ZNF385D: variants seen among roughly 807,000 people sequenced by gnomAD.
ZNF385D encodes zinc finger protein 385D, also known as zinc finger protein 659.
ZNF385D carries 15 observed loss-of-function variants against 35.8 expected under a neutral mutation model. That is an observed-to-expected ratio of 0.42 (90% CI 0.28 to 0.64). ZNF385D has a LOEUF of 0.64. Among genes scored for constraint, ZNF385D ranks in the 30% least tolerant of loss-of-function variants. The pLI is 0.23. For synonymous variants in ZNF385D, 212 were observed against 186.8 expected, an observed-to-expected ratio of 1.13 and a Z score of -1.10; for missense variants, 474 against 494.6, an observed-to-expected ratio of 0.96 and a Z score of 0.39.
rs187847314 is a variant in ZNF385D, at chr3:21,719,550, C to T, written c.22+31345G>A. On this transcript the variant is annotated intron_variant, in intron 1 of 7. Coordinates refer to ENST00000281523, the MANE Select transcript of ZNF385D (RefSeq NM_024697.3). ...TTTGCTCATTTTAATAGTAAAAAAA[C>T]ACACCCCTGGGTAGAGATTTAAGAT... 8.1e-4 allele frequency among the ~76,000 whole-genome samples: 124 copies of T among 152,306 alleles called. 2 individuals carry two copies. The highest frequency in any genetic ancestry group is 6.8e-3 in the Middle Eastern group (2 of 294).
chr3:21,565,915 T>TTAA (rs1378351572), intron 2 of ZNF385D, among the ~76,000 whole-genome samples: 1 of 152,206 alleles, frequency 6.6e-6, no homozygotes, highest in Non-Finnish European at 1.5e-5. Flanking sequence ...TTATAGTTCA[T>TTAA]TAATTCCCCT....
At position 21,702,966 on chromosome 3, in the gene ZNF385D, A is replaced by G. The variant is rs537729425; in HGVS notation, c.23-37938T>C. 9.9e-5 allele frequency among the ~76,000 whole-genome samples: 15 copies of G among 152,202 alleles called. No individual in the cohort carries two copies. The South Asian group carries it at 2.9e-3, about 29-fold the overall frequency. ...AAGTTCCAAACTTTCCTACTTTTCT[A>G]TATTCTTCTGAGCCCTCTAAACTGT... On this transcript the variant is annotated intron_variant, in intron 1 of 7. Transcript: ENST00000281523.
Position 21,905,747 on chromosome 3 carries a change from C to T in ZNF385D, c.326-240719G>A, listed in dbSNP as rs548399835. Among the ~76,000 whole-genome samples, 5 of 151,594 alleles carry T rather than the reference C, an allele frequency of 3.3e-5. No homozygotes were observed. The South Asian group carries it at 1.0e-3, about 31-fold the overall frequency. On this transcript the variant is annotated intron_variant, in intron 3 of 5. Coordinates refer to the ZNF385D transcript ENST00000494108. ...ACACTTTTTACTATTGATTAAATGT[C>T]TCAAACAAAATAAAGTTACTTGCTA...
chr3:21,776,070 A>G (rs1291117485), intron 3 of ZNF385D, among the ~76,000 whole-genome samples: 2 of 151,114 alleles, frequency 1.3e-5, no homozygotes, highest in African/African-American at 4.8e-5. Context: ...ATATTATACA[A>G]TCAAAATCTT....
At chr3:21,521,970 T>C (rs1203925489) in intron 3 of ZNF385D, among the ~76,000 whole-genome samples, 1 of 152,100 alleles carries the variant, frequency 6.6e-6, no homozygotes, top group African/African-American at 2.4e-5. Flanking sequence ...TCGAAGTATC[T>C]ATGGCTTCTT....
intron 3 of ZNF385D, among the ~76,000 whole-genome samples, chr3:21,887,960 A>T (rs1181220843): frequency 6.6e-6 from 1 of 152,130 alleles, no homozygotes; most frequent in Non-Finnish European, 1.5e-5. Flanking sequence ...TTGTAAAATA[A>T]CCTAACTACT....
chr3:22,297,607 T>C (rs888415365), intron 2 of ZNF385D, among the ~76,000 whole-genome samples: 46 of 152,058 alleles, frequency 3.0e-4, no homozygotes, highest in African/African-American at 1.1e-3. Flanking sequence ...AATGAAATAG[T>C]TGTCTAGAGG....
At chr3:22,282,717 T>A (rs1701827671) in intron 2 of ZNF385D, among the ~76,000 whole-genome samples, 1 of 151,846 alleles carries the variant, frequency 6.6e-6, no homozygotes. Flanking sequence ...CCTCAAAATA[T>A]ACCAAAATAA....
intron 2 of ZNF385D, among the ~76,000 whole-genome samples, chr3:22,310,780 G>A (rs867382309): frequency 6.6e-6 from 1 of 151,544 alleles, no homozygotes; most frequent in Admixed American, 6.6e-5. Flanking sequence ...GATAAGCTTC[G>A]ACAGCTTTAT....
chr3:22,011,487 A>T (rs1696572037), intron 3 of ZNF385D, among the ~76,000 whole-genome samples: 1 of 152,136 alleles, frequency 6.6e-6, no homozygotes, highest in East Asian at 1.9e-4. Context: ...AACTCTTACT[A>T]TCATGATATT....
chr3:21,773,824 G>A (rs537092256), intron 3 of ZNF385D, among the ~76,000 whole-genome samples: 16 of 152,068 alleles, frequency 1.1e-4, no homozygotes, highest in African/African-American at 3.6e-4. Context: ...CTTGGTGGGA[G>A]TGTAAATTAG....
At chr3:22,111,771 C>T (rs1047161670) in intron 3 of ZNF385D, among the ~76,000 whole-genome samples, 1 of 152,080 alleles carries the variant, frequency 6.6e-6, no homozygotes, top group Non-Finnish European at 1.5e-5. Flanking sequence ...TTTCCAAATG[C>T]TTTTGCTTAG....
At chr3:21,560,821 C>CT (rs1039374024) in intron 3 of ZNF385D, among the ~76,000 whole-genome samples, 17 of 152,074 alleles carry the variant, frequency 1.1e-4, no homozygotes, top group African/African-American at 4.1e-4. Context: ...GGGCTGCTGC[C>CT]TTTTTTTTCA....
chr3:21,871,659 G>A (rs937062979), intron 3 of ZNF385D, among the ~76,000 whole-genome samples: 7 of 152,052 alleles, frequency 4.6e-5, no homozygotes, highest in Admixed American at 2.6e-4. Context: ...GATTAAGATA[G>A]CATCCTGAAC....
At chr3:21,543,074 A>C (rs1482827923) in intron 3 of ZNF385D, 2 of 152,388 alleles carry the variant, frequency 1.3e-5, no homozygotes, top group African/African-American at 2.4e-5. Flanking sequence ...GCACTTTGGG[A>C]GGCCAAGGCG....
At chr3:22,057,818 G>A (rs1222689385) in intron 3 of ZNF385D, among the ~76,000 whole-genome samples, 1 of 152,054 alleles carries the variant, frequency 6.6e-6, no homozygotes. Context: ...CCGGCCTCAC[G>A]TTTTTAAAAC....
chr3:22,209,321 A>T (rs1333235202), intron 2 of ZNF385D, among the ~76,000 whole-genome samples: 2 of 151,434 alleles, frequency 1.3e-5, no homozygotes, highest in African/African-American at 4.9e-5. Context: ...CTGTTAAAAT[A>T]AACTTAATAG....
chr3:22,208,837 G>T (rs764966172), intron 2 of ZNF385D, among the ~76,000 whole-genome samples: 2 of 151,880 alleles, frequency 1.3e-5, no homozygotes. Flanking sequence ...CAAAACTAAA[G>T]AGAGAATAGA....
intron 2 of ZNF385D, among the ~76,000 whole-genome samples, chr3:22,221,390 C>CA (rs1455935957): frequency 6.6e-6 from 1 of 152,026 alleles, no homozygotes; most frequent in African/African-American, 2.4e-5. Context: ...TATACCCCCC[C>CA]ACCTCATTTA....
Sources: allele counts gnomAD v4.1 joint callset (sites outside exome capture counted in the v4.1 genomes callset), GRCh38; gene constraint gnomAD v4.1.1; transcripts MANE v1.5; gene names NCBI Gene and HGNC (gene_info 2026-07-23, HGNC 2026-07-21).